Variants in LCORL observed in about 807,000 individuals in gnomAD.
LCORL encodes the protein ligand dependent nuclear receptor corepressor like.
Under a neutral mutation model 141.8 loss-of-function variants are expected in LCORL, and 41 were observed. That is an observed-to-expected ratio of 0.29 (90% CI 0.23 to 0.38). LCORL has a LOEUF of 0.38. Ranked by LOEUF, LCORL falls within the 10% of genes least tolerant of loss-of-function variation. The probability of loss-of-function intolerance (pLI) is 1.00; values close to 1 mark genes in which losing one functional copy is unlikely to be tolerated. For synonymous variants in LCORL, 618 were observed against 694.1 expected, an observed-to-expected ratio of 0.89 and a Z score of 1.72; for missense variants, 1,759 against 2,035.0, an observed-to-expected ratio of 0.86 and a Z score of 2.61.
rs543628098 is a variant in LCORL at position 17,992,333 on chromosome 4, C to T, written c.155-19448G>A. Among the ~76,000 whole-genome samples, 317 of 152,204 alleles carry T rather than the reference C, an allele frequency of 2.1e-3. 2 individuals are homozygous for T. The highest frequency in any genetic ancestry group is 6.8e-3 in the Middle Eastern group (2 of 294). ...TATCCCAAGAACAGCATGGAGGAACCGCCCCCATGATCTAATCACCTCCCA... is the reference window on the plus strand; with the variant it reads ...TATCCCAAGAACAGCATGGAGGAACTGCCCCCATGATCTAATCACCTCCCA... On this transcript the variant is annotated intron_variant, in intron 1 of 7. Transcript: ENST00000635767.
chr4:17,864,242 T>A (rs73098804), intron 7 of LCORL, among the ~76,000 whole-genome samples: 22,595 of 152,056 alleles, frequency 0.15, 1,899 homozygotes, highest in South Asian at 0.29. Context: ...ACTTTTTTTT[T>A]AAAACAGTGT....
chr4:17,841,392 G>A (rs1023730210), exon 8 of LCORL: 1 of 151,854 alleles, frequency 6.6e-6, no homozygotes, highest in Non-Finnish European at 1.5e-5. Context: ...CTAAAATGGA[G>A]TCTGGTCATA....
chr4:17,941,400 G>A (rs959947422), intron 4 of LCORL, among the ~76,000 whole-genome samples: 9 of 151,910 alleles, frequency 5.9e-5, no homozygotes, highest in African/African-American at 1.9e-4. Context: ...CGAAGCTTAC[G>A]GTGAGCCGAG....
intron 7 of LCORL, among the ~76,000 whole-genome samples, chr4:17,856,871 C>G (rs1292198613): frequency 2.0e-5 from 3 of 152,276 alleles, no homozygotes; most frequent in Admixed American, 2.0e-4. Context: ...GTAGCTCCCC[C>G]TAGAAACTCC....
intron 4 of LCORL, among the ~76,000 whole-genome samples, chr4:17,934,927 A>G (rs1426225328): frequency 6.6e-6 from 1 of 152,232 alleles, no homozygotes; most frequent in East Asian, 1.9e-4. Context: ...GTCTTTCTAA[A>G]AAACGGAGGG....
chr4:17,953,606 G>C (rs558502786), intron 4 of LCORL, among the ~76,000 whole-genome samples: 2 of 152,084 alleles, frequency 1.3e-5, no homozygotes, highest in Admixed American at 1.3e-4. Flanking sequence ...TTATCTAAAG[G>C]TCTAGCATAC....
At position 17,849,361 on chromosome 4, in the gene LCORL, G is replaced by A. The variant is rs557600159; in HGVS notation, c.5603-3460C>T. Among the ~76,000 whole-genome samples, 368 of 152,222 alleles carry A rather than the reference G, an allele frequency of 2.4e-3. 1 individual carries two copies. Among genetic ancestry groups the A allele is most frequent in the African/African-American group, 7.9e-3 (328 of 41,532 alleles). On this transcript the variant is annotated intron_variant, in intron 7 of 7. Transcript: ENST00000635767. ...GGAACAATCAGACAGCAGCATTCGCGGTTCACGAAAATCTGCTGTTCTGCA... is the reference window on the plus strand; with the variant it reads ...GGAACAATCAGACAGCAGCATTCGCAGTTCACGAAAATCTGCTGTTCTGCA...
At chr4:17,985,703 G>C (rs891703055) in intron 1 of LCORL, among the ~76,000 whole-genome samples, 1 of 152,110 alleles carries the variant, frequency 6.6e-6, no homozygotes, top group African/African-American at 2.4e-5. Flanking sequence ...ATTGGGTCTT[G>C]CTTTTTTATC....
chr4:17,978,364 G>T (rs1717372560), intron 1 of LCORL, among the ~76,000 whole-genome samples: 1 of 152,072 alleles, frequency 6.6e-6, no homozygotes, highest in Non-Finnish European at 1.5e-5. Context: ...GAGAGGGTGA[G>T]GTTAAGAAGA....
intron 1 of LCORL, among the ~76,000 whole-genome samples, chr4:18,005,666 A>C (rs1722674647): frequency 6.6e-6 from 1 of 152,196 alleles, no homozygotes. Flanking sequence ...TCACAGGCTC[A>C]ACACCAGGTG....
At chr4:17,994,112 T>TA (rs1180214746) in intron 1 of LCORL, among the ~76,000 whole-genome samples, 1 of 152,156 alleles carries the variant, frequency 6.6e-6, no homozygotes, top group Non-Finnish European at 1.5e-5. Flanking sequence ...AACAAAGACT[T>TA]AGAGAAGATC....
chr4:17,904,015 T>C (rs964132000), intron 5 of LCORL, among the ~76,000 whole-genome samples: 7 of 152,026 alleles, frequency 4.6e-5, no homozygotes. Flanking sequence ...TAATAATTTT[T>C]ACAAGTATTT....
intron 5 of LCORL, among the ~76,000 whole-genome samples, chr4:17,889,128 C>A (rs1728712314): frequency 6.6e-6 from 1 of 151,972 alleles, no homozygotes; most frequent in African/African-American, 2.4e-5. Context: ...ATAAAGGTTT[C>A]TTTTCTTTTT....
intron 4 of LCORL, among the ~76,000 whole-genome samples, chr4:17,927,003 C>G (rs891304456): frequency 6.6e-6 from 1 of 152,222 alleles, no homozygotes; most frequent in Admixed American, 6.5e-5. Context: ...AAGCCCTAGA[C>G]GGCGTCTTCT....
chr4:17,947,560 C>T (rs1283713034), intron 4 of LCORL, among the ~76,000 whole-genome samples: 1 of 151,768 alleles, frequency 6.6e-6, no homozygotes, highest in South Asian at 2.1e-4. Flanking sequence ...ATTTCAAATG[C>T]TGTCACCACA....
In LCORL at chr4:17,877,797, C is replaced by G. The variant is rs914409804; in HGVS notation, c.1193G>C (p.Cys398Ser). Residue 398 changes from cysteine to serine, a missense_variant, in exon 7 of 8, where the codon TGC becomes TCC. Transcript: ENST00000635767. ...AATGTTTGGTAACAGTCCAGAACAGCACCTGTGAGAATTATAACTGTCTGC... is the reference window on the plus strand; with the variant it reads ...AATGTTTGGTAACAGTCCAGAACAGGACCTGTGAGAATTATAACTGTCTGC... 5.7e-6 allele frequency: 7 copies of G among 1,230,462 alleles called. No homozygotes were observed. The African/African-American group carries it at 1.1e-4, about 19-fold the overall frequency. The allele number at this position is 1,230,462 out of a possible 1,614,324, so 76.2% of individuals were successfully genotyped here.
chr4:17,912,634 G>A (rs112570672), intron 4 of LCORL: 11,291 of 393,622 alleles, frequency 0.029, 279 homozygotes, highest in Non-Finnish European at 0.039. Context: ...TGGACTTGAT[G>A]AGAAATCTGG....
At chr4:17,875,862 G>C (rs912369535) in exon 7 of LCORL, 1 of 1,230,990 alleles carries the variant, frequency 8.1e-7, no homozygotes, top group African/African-American at 1.6e-5. Flanking sequence ...AGAGGATCCT[G>C]CAGTTTCTTT....
At chr4:18,008,297 C>A (rs1560477786) in intron 1 of LCORL, among the ~76,000 whole-genome samples, 1 of 152,144 alleles carries the variant, frequency 6.6e-6, no homozygotes, top group Non-Finnish European at 1.5e-5. Flanking sequence ...ACAGGGGAAT[C>A]CTTATCTCTG....
Sources: allele counts gnomAD v4.1 joint callset (sites outside exome capture counted in the v4.1 genomes callset), GRCh38; gene constraint gnomAD v4.1.1; transcripts MANE v1.5; gene names NCBI Gene and HGNC (gene_info 2026-07-23, HGNC 2026-07-21).